NCSTN: variants seen among roughly 807,000 people sequenced by gnomAD.
NCSTN encodes nicastrin.
Under a neutral mutation model 87.0 loss-of-function variants are expected in NCSTN, and 22 were observed. The observed-to-expected ratio is 0.25, with a 90% confidence interval of 0.18 to 0.36. The LOEUF is 0.36. NCSTN is among the 10% of genes least tolerant of loss of function. NCSTN has a pLI of 1.00. For synonymous variants in NCSTN, 306 were observed against 327.1 expected, an observed-to-expected ratio of 0.94 and a Z score of 0.69; for missense variants, 693 against 883.3, an observed-to-expected ratio of 0.78 and a Z score of 2.73.
chr1:160,357,480 C>G (rs971226435), intron 16 of NCSTN, among the ~76,000 whole-genome samples: 7 of 152,242 alleles, frequency 4.6e-5, no homozygotes, highest in Non-Finnish European at 7.3e-5. Flanking sequence ...TCTCAGCTTA[C>G]TGCAACCTCC....
chr1:160,354,897 C>T (rs1649052812), intron 11 of NCSTN, among the ~76,000 whole-genome samples: 1 of 152,162 alleles, frequency 6.6e-6, no homozygotes, highest in Non-Finnish European at 1.5e-5. Context: ...TCCCGAGGGC[C>T]AAATGAGTTT....
At chr1:160,343,694 C>T (rs1225755552) in intron 1 of NCSTN, 6 of 712,608 alleles carry the variant, frequency 8.4e-6, no homozygotes, top group Non-Finnish European at 1.3e-5. Context: ...CGCTTCACTC[C>T]CTTCTCTAGG....
In NCSTN at chr1:160,356,760, T is replaced by C. The variant is rs1299522532; in HGVS notation, c.1794+6T>C. The C allele has an allele frequency of 6.2e-7, 1 of 1,613,556 alleles. No individual in the cohort carries two copies. The highest frequency in any genetic ancestry group is 8.5e-7 in the Non-Finnish European group (1 of 1,179,924). On this transcript the variant is annotated splice_donor_region_variant and intron_variant, in intron 15 of 16. Transcript: ENST00000294785. Reference sequence around the variant, plus strand: ...TCCCAAGTGAAAACAAGGATGTGAGTGGTGGTGGGTGTTGGAAGTGCCCTG... The same window carrying C: ...TCCCAAGTGAAAACAAGGATGTGAGCGGTGGTGGGTGTTGGAAGTGCCCTG...
chr1:160,351,445 TAGAG>T, intron 6 of NCSTN, 73 bp downstream of exon 6: 3 of 1,534,194 alleles, frequency 2.0e-6, no homozygotes, highest in Non-Finnish European at 2.7e-6. Flanking sequence ...CAGGGAATGT[TAGAG>T]AGACTGTAAT....
chr1:160,352,982 G>A lies in NCSTN; in HGVS notation c.1092G>A (p.Glu364=), dbSNP rs200475128. 2.5e-6 allele frequency: 4 copies of A among 1,613,720 alleles called. No individual in the cohort carries two copies. The South Asian group carries it at 4.4e-5, about 18-fold the overall frequency. ...VQLENVDSFV[E]LGQVALRTSL... is the part of the protein sequence containing the mutation. ...TAGAGAATGTTGACTCATTTGTGGAGCTGGGACAGGTATGTGGCATGTCCC... is the reference window on the plus strand; with the variant it reads ...TAGAGAATGTTGACTCATTTGTGGAACTGGGACAGGTATGTGGCATGTCCC... Residue 364 remains glutamate (E), a synonymous_variant, in exon 9 of 17, where the codon GAG becomes GAA. Transcript: ENST00000294785.
chr1:160,344,175 C>T (rs911464897), intron 1 of NCSTN, among the ~76,000 whole-genome samples: 5 of 152,034 alleles, frequency 3.3e-5, no homozygotes, highest in African/African-American at 1.2e-4. Context: ...TGCCTTCCCC[C>T]AATTCACATT....
chr1:160,344,428 A>G (rs1020561406), intron 1 of NCSTN: 28 of 1,463,986 alleles, frequency 1.9e-5, no homozygotes, highest in Non-Finnish European at 2.4e-5. Flanking sequence ...GAATCTGGCA[A>G]ATCTAAGGTC....
intron 16 of NCSTN, among the ~76,000 whole-genome samples, chr1:160,357,731 T>G (rs1162634231): frequency 6.6e-6 from 1 of 152,188 alleles, no homozygotes; most frequent in Non-Finnish European, 1.5e-5. Context: ...ACAGATAGTT[T>G]GAGTAGGTGT....
chr1:160,358,320 ATCTGTC>A lies in NCSTN; in HGVS notation c.*50_*55del. 1.9e-6 allele frequency: 3 copies of A among 1,612,784 alleles called. No individual in the cohort carries two copies. The highest frequency in any genetic ancestry group is 2.5e-6 in the Non-Finnish European group (3 of 1,179,790). On this transcript the variant is annotated 3_prime_UTR_variant, in exon 17 of 17. Coordinates refer to ENST00000294785, the MANE Select transcript of NCSTN (RefSeq NM_015331.3). ...AGCTCAGCAGTTCACTTCCTAGAGC[ATCTGTC>A]CCACTGGGACACAACCACTAATTTG...
At chr1:160,357,913 A>G (rs1649214283) in intron 16 of NCSTN, among the ~76,000 whole-genome samples, 1 of 152,190 alleles carries the variant, frequency 6.6e-6, no homozygotes, top group Non-Finnish European at 1.5e-5. Flanking sequence ...TCCTTTCAAA[A>G]TGCCTAAAAT....
Position 160,355,916 on chromosome 1 carries a change from A to G in NCSTN, c.1509A>G (p.Gly503=). ...GACGTGCTCTGTATGAGCTTGCAGGAGGAACCAACTTCAGCGACACAGTTC... is the reference window on the plus strand; with the variant it reads ...GACGTGCTCTGTATGAGCTTGCAGGGGGAACCAACTTCAGCGACACAGTTC... The part of the protein sequence containing the change: ...VLGRALYELA[G]GTNFSDTVQA... The change falls in exon 13 of 17, where the codon GGA becomes GGG. Residue 503 remains glycine, a synonymous_variant. Coordinates refer to ENST00000294785, the MANE Select transcript of NCSTN (RefSeq NM_015331.3). 6.2e-7 allele frequency: 1 copy of G among 1,614,224 alleles called. No homozygotes were observed. Among genetic ancestry groups the G allele is most frequent in the Non-Finnish European group, 8.5e-7 (1 of 1,180,044 alleles).
rs771571283 is a variant in NCSTN, at chr1:160,344,702, A to G, written c.86-20A>G. 1.1e-5 allele frequency: 17 copies of G among 1,612,474 alleles called. No individual in the cohort carries two copies. The highest frequency in any genetic ancestry group is 6.7e-5 in the East Asian group (3 of 44,884). On this transcript the variant is annotated intron_variant, in intron 1 of 16. Transcript: ENST00000294785. ...CCTGTGTCTCTCAAATTTTTCTAAC[A>G]CTTTTTATCTTCCGATCAGGTTTGT... is the stretch of plus-strand genomic sequence containing the variant.
At chr1:160,350,332 G>T (rs1648767099) in intron 5 of NCSTN, 82 bp downstream of exon 5, 2 of 1,530,616 alleles carry the variant, frequency 1.3e-6, no homozygotes. Flanking sequence ...TGTGCACGTA[G>T]TCCCAGCCAC....
intron 2 of NCSTN, among the ~76,000 whole-genome samples, chr1:160,345,979 G>A (rs1571198247): frequency 7.1e-6 from 1 of 141,608 alleles, no homozygotes; most frequent in African/African-American, 2.6e-5. Flanking sequence ...CTGAATAATT[G>A]CAAGAGGAAT....
chr1:160,344,760 A>T lies in NCSTN; in HGVS notation c.124A>T (p.Ile42Phe). Residue 42 changes from isoleucine to phenylalanine, a missense_variant, in exon 2 of 17, where the codon ATC (isoleucine) becomes TTC (phenylalanine). This residue lies in a region of NCSTN where 235 missense variants were observed against 233.9 expected (regional missense o/e 1.00). Transcript: ENST00000294785. The part of the protein sequence containing the change: ...RGNSVERKIY[I>F]PLNKTAPCVR... ...AAACTCAGTGGAGAGGAAGATATAT[A>T]TCCCCTTAAATAAAACAGCTCCCTG... is the stretch of plus-strand genomic sequence containing the variant. 1 of 1,614,188 alleles carries T rather than the reference A, an allele frequency of 6.2e-7. No homozygotes were observed. Among genetic ancestry groups the T allele is most frequent in the South Asian group, 1.1e-5 (1 of 91,080 alleles).
chr1:160,350,682 A>C (rs1422551082), intron 5 of NCSTN, among the ~76,000 whole-genome samples: 2 of 151,892 alleles, frequency 1.3e-5, no homozygotes, highest in African/African-American at 4.9e-5. Flanking sequence ...AACAAGGTAC[A>C]CAGCCCAGGT....
At chr1:160,355,981 CTTCT>C in intron 13 of NCSTN, 23 bp downstream of exon 13, 1 of 1,583,724 alleles carries the variant, frequency 6.3e-7, no homozygotes, top group Non-Finnish European at 8.7e-7. Flanking sequence ...GCCCTAGCTC[CTTCT>C]TTCTATTTAC....
At chr1:160,353,829 C>T (rs1648997081) in intron 10 of NCSTN, 1 of 673,388 alleles carries the variant, frequency 1.5e-6, no homozygotes, top group Non-Finnish European at 1.8e-6. Flanking sequence ...ATAAGTGAAG[C>T]ATCCACTGAG....
chr1:160,354,363 C>G, intron 11 of NCSTN, 73 bp downstream of exon 11: 1 of 1,516,388 alleles, frequency 6.6e-7, no homozygotes, highest in Non-Finnish European at 9.1e-7. Flanking sequence ...AGGAAGGTCA[C>G]TGCCCTCCGC....
Sources: gnomAD v4.1 joint callset for allele counts (sites outside exome capture counted in the v4.1 genomes callset) on GRCh38, gnomAD v4.1.1 for gene constraint, gnomAD v4.1.1 regional missense constraint, MANE v1.5 for transcripts, NCBI Gene and HGNC (gene_info 2026-07-23, HGNC 2026-07-21) for gene names.